Variants in PNPT1 observed in about 807,000 individuals in gnomAD.
PNPT1 encodes the protein polyribonucleotide nucleotidyltransferase 1, mitochondrial.
A neutral mutation model predicts 119.5 loss-of-function variants in PNPT1; 53 were observed. The observed-to-expected ratio is 0.44, with a 90% CI of 0.36 to 0.56. The LOEUF is 0.56. Ranked by LOEUF, PNPT1 falls within the 20% of genes least tolerant of loss-of-function variation. The pLI, the probability that PNPT1 is intolerant of heterozygous loss-of-function variation, is 0.00. For synonymous variants in PNPT1, 357 were observed against 322.1 expected (o/e 1.11, Z -1.16); for missense variants, 948 against 938.5 (o/e 1.01, Z -0.13).
chr2:55,650,012 C>G (rs1483438866), intron 18 of PNPT1, among the ~76,000 whole-genome samples: 2 of 152,224 alleles, frequency 1.3e-5, no homozygotes, highest in African/African-American at 4.8e-5. Flanking sequence ...CAATGTGTGG[C>G]TTTCTTGAGG....
intron 18 of PNPT1, among the ~76,000 whole-genome samples, chr2:55,648,827 C>T (rs116331110): frequency 6.2e-4 from 95 of 152,178 alleles, no homozygotes; most frequent in African/African-American, 2.0e-3. Flanking sequence ...TTTTAGTTTA[C>T]GTAATCATGG....
chr2:55,651,355 T>C (rs1438986035), intron 18 of PNPT1, among the ~76,000 whole-genome samples: 5 of 152,110 alleles, frequency 3.3e-5, no homozygotes, highest in Admixed American at 6.5e-5. Context: ...GGGGAAAAGA[T>C]TGAGAAATCG....
intron 1 of PNPT1, 74 bp downstream of exon 1, chr2:55,693,589 T>C: frequency 6.3e-7 from 1 of 1,577,606 alleles, no homozygotes; most frequent in East Asian, 2.3e-5. Flanking sequence ...GTTTCTACCC[T>C]GGGAGATGAA....
At position 55,667,213 on chromosome 2, in the gene PNPT1, T is replaced by TA. The variant is rs1696761986; in HGVS notation, c.1074-121dup. The TA allele has an allele frequency of 4.9e-5, 33 of 669,134 alleles. 1 individual carries two copies. In the South Asian group the frequency reaches 5.7e-4, roughly 12 times the overall value. The allele number at this position is 669,134 out of a possible 1,614,324, so 41.4% of individuals were successfully genotyped here. ...TGTATCATAATCCCCTGTGGAACTT[T>TA]AAAAAATAATAGATACTTGAGCACT... On this transcript the variant is annotated intron_variant, in intron 12 of 27. Transcript: ENST00000447944.
chr2:55,651,116 G>A (rs1457053652), intron 18 of PNPT1, among the ~76,000 whole-genome samples: 2 of 149,182 alleles, frequency 1.3e-5, no homozygotes, highest in African/African-American at 4.9e-5. Flanking sequence ...CGTCCGGGAG[G>A]TGAGGGGCGC....
chr2:55,655,616 A>AT (rs1264302366), intron 17 of PNPT1, among the ~76,000 whole-genome samples: 1 of 152,172 alleles, frequency 6.6e-6, no homozygotes, highest in Non-Finnish European at 1.5e-5. Context: ...TTACCTTGGT[A>AT]TTTTTTCCTC....
In PNPT1 at chr2:55,693,698, T is replaced by C. The variant is rs781056685; in HGVS notation, c.126A>G (p.Ala42=). The change falls in exon 1 of 28, where the codon GCA becomes GCG. Residue 42 remains alanine, a synonymous_variant. Coordinates refer to ENST00000447944, the MANE Select transcript of PNPT1 (RefSeq NM_033109.5). ...QLQVRALWSS[A]GSRAVAVDLG... The stretch of plus-strand genomic sequence containing the variant: ...AGTCCACGGCCACAGCTCGAGACCC[T>C]GCGCTACTCCATAGTGCTCGCACTT... 7 of 1,614,100 alleles carry C rather than the reference T, an allele frequency of 4.3e-6. No individual in the cohort carries two copies. In the African/African-American group the frequency reaches 8.0e-5, roughly 18 times the overall value.
chr2:55,674,522 GGTGGAGGTTGCA>G (rs762847725), intron 8 of PNPT1, among the ~76,000 whole-genome samples: 17 of 152,160 alleles, frequency 1.1e-4, no homozygotes, highest in Non-Finnish European at 1.8e-4. Flanking sequence ...GAACCCAGGA[GGTGGAGGTTGCA>G]GTGAGCTGAG....
chr2:55,670,369 G>A (rs1328457219), intron 11 of PNPT1, among the ~76,000 whole-genome samples: 1 of 151,958 alleles, frequency 6.6e-6, no homozygotes, highest in African/African-American at 2.4e-5. Flanking sequence ...TGTATTTTTA[G>A]TAGAGACAGG....
chr2:55,687,350 G>C (rs1008829066), intron 2 of PNPT1, among the ~76,000 whole-genome samples: 2 of 151,904 alleles, frequency 1.3e-5, no homozygotes, highest in Non-Finnish European at 2.9e-5. Context: ...TGAGGCAAAA[G>C]AATCGCTTGA....
chr2:55,661,826 G>T, intron 14 of PNPT1, 130 bp downstream of exon 14: 1 of 855,814 alleles, frequency 1.2e-6, no homozygotes, highest in Non-Finnish European at 1.7e-6. Flanking sequence ...TCATGATGAT[G>T]TAAACAGAAA....
At chr2:55,655,566 C>T (rs1696360160) in intron 17 of PNPT1, among the ~76,000 whole-genome samples, 1 of 152,152 alleles carries the variant, frequency 6.6e-6, no homozygotes, top group African/African-American at 2.4e-5. Flanking sequence ...TTAGTCACAC[C>T]CAGTAGAGAA....
chr2:55,656,160 C>T lies in PNPT1; in HGVS notation c.1412G>A (p.Arg471Lys). 1 of 1,613,380 alleles carries T rather than the reference C, an allele frequency of 6.2e-7. No individual in the cohort carries two copies. Among genetic ancestry groups the T allele is most frequent in the Non-Finnish European group, 8.5e-7 (1 of 1,179,642 alleles). ...TGACTCTAGGACTTCAGATGTAACT[C>T]TTATGGTGAAAGGAAAATCTCGGGG... ...VIPRDFPFTI[R>K]VTSEVLESNG... The change falls in exon 17 of 28, where the codon AGA becomes AAA. Residue 471 changes from arginine to lysine, a missense_variant. Physicochemically the swap from Arg to Lys is conservative, Grantham distance 26. Coordinates refer to ENST00000447944, the MANE Select transcript of PNPT1 (RefSeq NM_033109.5).
At chr2:55,644,091 C>T (rs923527024) in intron 23 of PNPT1, among the ~76,000 whole-genome samples, 3 of 151,908 alleles carry the variant, frequency 2.0e-5, no homozygotes, top group Non-Finnish European at 1.5e-5. Flanking sequence ...TTCTTTCTCC[C>T]GCTTACTCTT....
intron 22 of PNPT1, 88 bp from the exon 23 acceptor site, chr2:55,644,808 T>G: frequency 1.2e-6 from 1 of 868,858 alleles, no homozygotes; most frequent in East Asian, 2.7e-5. Context: ...TTTTTTTTTT[T>G]TTTGACCTAG....
chr2:55,691,871 TATATATA>T (rs1374612905), intron 1 of PNPT1, among the ~76,000 whole-genome samples: 28 of 18,382 alleles, frequency 1.5e-3, no homozygotes, highest in Admixed American at 4.0e-3. Context: ...TATATATATA[TATATATA>T]TTTTTTTTTT....
chr2:55,674,867 G>T (rs1000610219), intron 8 of PNPT1, among the ~76,000 whole-genome samples: 1 of 152,174 alleles, frequency 6.6e-6, no homozygotes, highest in African/African-American at 2.4e-5. Context: ...TTTCTCATCT[G>T]TATTTCCAAG....
chr2:55,693,564 G>C (rs1697690558), intron 1 of PNPT1, 99 bp downstream of exon 1: 8 of 1,512,406 alleles, frequency 5.3e-6, no homozygotes, highest in African/African-American at 1.4e-5. Flanking sequence ...AGATTAAATA[G>C]AGCTGGGATA....
intron 13 of PNPT1, among the ~76,000 whole-genome samples, chr2:55,662,350 A>G (rs1186221139): frequency 6.6e-6 from 1 of 152,160 alleles, no homozygotes; most frequent in Non-Finnish European, 1.5e-5. Flanking sequence ...GCCTTAATAC[A>G]GGTTCAGCCA....
Sources: gnomAD v4.1 joint callset for allele counts (sites outside exome capture counted in the v4.1 genomes callset) on GRCh38, gnomAD v4.1.1 for gene constraint, MANE v1.5 for transcripts, NCBI Gene and HGNC (gene_info 2026-07-23, HGNC 2026-07-21) for gene names.